XIRP2: variants seen among roughly 807,000 people sequenced by gnomAD.
XIRP2 encodes xin actin-binding repeat-containing protein 2.
Under a neutral mutation model 277.0 loss-of-function variants are expected in XIRP2, and 236 were observed. The observed-to-expected ratio is 0.85, with a 90% CI of 0.77 to 0.95. XIRP2 has a LOEUF of 0.95. Ranked by LOEUF, XIRP2 falls within the 40% of genes least tolerant of loss-of-function variation. XIRP2 has a pLI of 0.00. For synonymous variants in XIRP2, 1,490 were observed against 1,416.5 expected (o/e 1.05, Z -1.17); for missense variants, 4,640 against 4,157.5 (o/e 1.12, Z -3.19).
chr2:166,943,954 A>C (rs1685788527), intron 2 of XIRP2, among the ~76,000 whole-genome samples: 1 of 152,208 alleles, frequency 6.6e-6, no homozygotes, highest in South Asian at 2.1e-4. Flanking sequence ...AGGCATCCTC[A>C]CACATAAATA....
At chr2:166,939,323 A>C (rs1009106152) in intron 2 of XIRP2, among the ~76,000 whole-genome samples, 30 of 151,966 alleles carry the variant, frequency 2.0e-4, no homozygotes, top group Non-Finnish European at 7.4e-5. Flanking sequence ...CTTGTCTGTA[A>C]AGTATTTTAT....
At position 166,940,325 on chromosome 2, in the gene XIRP2, G is replaced by T. The variant is rs1244605292; in HGVS notation, c.408+36435G>T. On this transcript the variant is annotated intron_variant, in intron 2 of 10. Coordinates refer to ENST00000409195, the MANE Select transcript of XIRP2 (RefSeq NM_152381.6). ...GTCATTTAATGACTTCTCTTCACTG[G>T]TTATTCTAGTTAGCCATTCATCTAA... is the stretch of plus-strand genomic sequence containing the variant. 2.0e-5 allele frequency among the ~76,000 whole-genome samples: 3 copies of T among 152,190 alleles called. No individual in the cohort carries two copies. The South Asian group carries it at 6.2e-4, about 32-fold the overall frequency.
At chr2:167,140,142 AT>A (rs1691669170) in intron 3 of XIRP2, among the ~76,000 whole-genome samples, 1 of 152,162 alleles carries the variant, frequency 6.6e-6, no homozygotes, top group Admixed American at 6.6e-5. Flanking sequence ...TCTCTTTAGT[AT>A]TTTCTGGTGA....
chr2:167,031,661 A>G (rs1262722550), intron 2 of XIRP2, among the ~76,000 whole-genome samples: 1 of 152,154 alleles, frequency 6.6e-6, no homozygotes, highest in Non-Finnish European at 1.5e-5. Context: ...TACACCAATA[A>G]CAGACAAACA....
intron 5 of XIRP2, among the ~76,000 whole-genome samples, chr2:167,231,846 A>T (rs936460437): frequency 1.3e-5 from 2 of 152,004 alleles, no homozygotes; most frequent in Non-Finnish European, 2.9e-5. Context: ...AGTATTTCAG[A>T]AGCAACATCC....
chr2:167,046,529 C>A (rs371064588), intron 2 of XIRP2, among the ~76,000 whole-genome samples: 67 of 151,906 alleles, frequency 4.4e-4, no homozygotes, highest in African/African-American at 1.5e-3. Context: ...ACCTAGATGC[C>A]CATCAGTGGT....
Position 167,218,175 on chromosome 2 carries a change from G to C in XIRP2, c.733G>C (p.Glu245Gln). 6.3e-7 allele frequency: 1 copy of C among 1,589,188 alleles called. No individual in the cohort carries two copies. Among genetic ancestry groups the C allele is most frequent in the Non-Finnish European group, 8.6e-7 (1 of 1,169,092 alleles). Residue 245 changes from glutamate (E) to glutamine (Q), a missense_variant, in exon 5 of 11, where the codon GAA (glutamate) becomes CAA (glutamine). Glu to Gln is a conservative substitution (Grantham distance 29). Transcript: ENST00000409195. ...TCTTAAATCATCCTAGATGATGGAAGAATCAGAAATGTGCGCAGTGCCTGG... is the reference window on the plus strand; with the variant it reads ...TCTTAAATCATCCTAGATGATGGAACAATCAGAAATGTGCGCAGTGCCTGG... ...CRSFSANMME[E>Q]SEMCAVPGGL...
At chr2:166,935,535 G>T (rs767614384) in intron 2 of XIRP2, among the ~76,000 whole-genome samples, 7 of 152,120 alleles carry the variant, frequency 4.6e-5, no homozygotes, top group Non-Finnish European at 1.0e-4. Flanking sequence ...TTTACAGTAG[G>T]TATATCTCCT....
chr2:166,899,576 T>C (rs1397391694), intron 1 of XIRP2, among the ~76,000 whole-genome samples: 1 of 152,140 alleles, frequency 6.6e-6, no homozygotes, highest in Non-Finnish European at 1.5e-5. Flanking sequence ...TATTCTTAGT[T>C]TTCCTTTGTC....
At chr2:166,914,575 C>T (rs982140793) in intron 2 of XIRP2, among the ~76,000 whole-genome samples, 2 of 152,056 alleles carry the variant, frequency 1.3e-5, no homozygotes, top group African/African-American at 2.4e-5. Context: ...CTCCTGACCT[C>T]GAGTGATCCA....
chr2:167,258,010 T>C lies in XIRP2; in HGVS notation c.*193T>C, dbSNP rs1343373654. On this transcript the variant is annotated 3_prime_UTR_variant, in exon 11 of 11. Transcript: ENST00000409195. ...AAAACCAAAGCAGATCAGTGGACTT[T>C]ATTCCTAATGAAGAACCAAATATGT... 6.2e-7 allele frequency: 1 copy of C among 1,613,252 alleles called. No homozygotes were observed. The highest frequency in any genetic ancestry group is 8.5e-7 in the Non-Finnish European group (1 of 1,179,532).
chr2:167,169,523 C>A (rs1692623321), intron 3 of XIRP2, among the ~76,000 whole-genome samples: 2 of 152,296 alleles, frequency 1.3e-5, no homozygotes, highest in South Asian at 4.2e-4. Context: ...ATCTTGACAG[C>A]AGTTTGCCCT....
In XIRP2 at chr2:167,246,993, C is replaced by A; in HGVS notation, c.5601C>A (p.Asn1867Lys). The change falls in exon 9 of 11, where the codon AAC becomes AAA. Residue 1867 changes from asparagine to lysine, a missense_variant. Coordinates refer to ENST00000409195, the MANE Select transcript of XIRP2 (RefSeq NM_152381.6). ...VTKTEEIIKG[N>K]MLATLKSLKE... ...AAACAGAAGAAATTATAAAAGGTAA[C>A]ATGCTAGCCACACTCAAGTCACTTA... is the stretch of plus-strand genomic sequence containing the variant. 6.2e-7 allele frequency: 1 copy of A among 1,613,636 alleles called. No individual in the cohort carries two copies. Among genetic ancestry groups the A allele is most frequent in the South Asian group, 1.1e-5 (1 of 91,062 alleles).
Position 167,243,442 on chromosome 2 carries a change from A to G in XIRP2, c.2050A>G (p.Ile684Val), listed in dbSNP as rs1695139503. 5 of 1,614,096 alleles carry G rather than the reference A, an allele frequency of 3.1e-6. No homozygotes were observed. The Middle Eastern group carries it at 4.9e-4, about 160-fold the overall frequency. ...ATCAGCGGTAACTATCAGTAAGGAC[A>G]TAACTGGGGGGGATGTCAAGACTGT... ...EESAVTISKD[I>V]TGGDVKTVRY... Residue 684 changes from isoleucine (I) to valine (V), a missense_variant, in exon 9 of 11, where the codon ATA (isoleucine) becomes GTA (valine). By Grantham distance (29) the Ile-to-Val change is conservative. Transcript: ENST00000409195.
At position 167,258,874 on chromosome 2, in the gene XIRP2, A is replaced by G; in HGVS notation, c.*1057A>G. On this transcript the variant is annotated 3_prime_UTR_variant, in exon 11 of 11. Coordinates refer to ENST00000409195, the MANE Select transcript of XIRP2 (RefSeq NM_152381.6). The stretch of plus-strand genomic sequence containing the variant: ...AAAAGACTTATTCGAGGAATGTACT[A>G]GCAATGGCTCTGAAGAAACAGACTG... 6.2e-7 allele frequency: 1 copy of G among 1,613,308 alleles called. No homozygotes were observed. The highest frequency in any genetic ancestry group is 8.5e-7 in the Non-Finnish European group (1 of 1,179,632).
intron 2 of XIRP2, among the ~76,000 whole-genome samples, chr2:167,100,276 T>C (rs1049461803): frequency 3.3e-5 from 5 of 152,194 alleles, no homozygotes; most frequent in Non-Finnish European, 5.9e-5. Flanking sequence ...TCTAGAATGG[T>C]TGATTAGTAA....
chr2:167,036,655 T>G (rs1467024075), intron 2 of XIRP2, among the ~76,000 whole-genome samples: 2 of 152,086 alleles, frequency 1.3e-5, no homozygotes, highest in African/African-American at 4.8e-5. Flanking sequence ...GAGTTAAGAC[T>G]TCGGGGGAGT....
rs773109430 is a variant in XIRP2, at chr2:167,248,345, T to A, written c.6953T>A (p.Met2318Lys). The change falls in exon 9 of 11, where the codon ATG (methionine) becomes AAG (lysine). Residue 2318 changes from methionine (M) to lysine (K), a missense_variant. Physicochemically the swap from Met to Lys is moderately conservative, Grantham distance 95 (BLOSUM62 -1). Transcript: ENST00000409195. ...FPLPPPPPLM[M>K]FPEKNGFLPS... ...CTTCCTCCTCCACCTCCTTTGATGA[T>A]GTTTCCTGAAAAAAATGGGTTTCTT... 2.5e-6 allele frequency: 4 copies of A among 1,613,602 alleles called. No individual in the cohort carries two copies. In the African/African-American group the frequency reaches 5.3e-5, roughly 22 times the overall value.
At chr2:167,045,837 G>T (rs1688773218) in intron 2 of XIRP2, among the ~76,000 whole-genome samples, 1 of 152,012 alleles carries the variant, frequency 6.6e-6, no homozygotes, top group Non-Finnish European at 1.5e-5. Flanking sequence ...ATTTCTCAAA[G>T]AACTTTAAAC....
Sources: gnomAD v4.1 joint callset for allele counts (sites outside exome capture counted in the v4.1 genomes callset) on GRCh38, gnomAD v4.1.1 for gene constraint, MANE v1.5 for transcripts, NCBI Gene and HGNC (gene_info 2026-07-23, HGNC 2026-07-21) for gene names.